The following FILIP1L variants were observed in gnomAD, a reference collection of about 807,000 sequenced individuals.
FILIP1L encodes filamin A interacting protein 1 like, also known as filamin A-interacting protein 1-like.
FILIP1L carries 55 observed loss-of-function variants against 96.6 expected under a neutral mutation model. The observed-to-expected ratio is 0.57, with a 90% confidence interval of 0.46 to 0.71. The LOEUF (loss-of-function observed/expected upper bound fraction) is 0.71, where lower values mean the gene tolerates loss of function less well. FILIP1L is among the 30% of genes least tolerant of loss of function. The pLI is 0.00. For synonymous variants in FILIP1L, 467 were observed against 473.9 expected (o/e 0.99, Z 0.19); for missense variants, 1,304 against 1,321.2 (o/e 0.99, Z 0.20).
chr3:99,845,854 C>T (rs1943341125), intron 5 of FILIP1L, among the ~76,000 whole-genome samples: 1 of 152,138 alleles, frequency 6.6e-6, no homozygotes. Context: ...AAGGAATCCT[C>T]CCAGTAGAGG....
chr3:99,886,375 A>T (rs933743889), intron 4 of FILIP1L, among the ~76,000 whole-genome samples: 2 of 152,142 alleles, frequency 1.3e-5, no homozygotes, highest in African/African-American at 4.8e-5. Flanking sequence ...CTCTTGTACC[A>T]TACATAAAAT....
chr3:100,024,051 A>G (rs1428801549), intron 1 of FILIP1L, among the ~76,000 whole-genome samples: 2 of 152,174 alleles, frequency 1.3e-5, no homozygotes, highest in Admixed American at 6.6e-5. Context: ...CAGACTATCA[A>G]GAGTAGTGTC....
At chr3:99,852,458 A>AT (rs5851190) in intron 4 of FILIP1L, among the ~76,000 whole-genome samples, 14,560 of 151,884 alleles carry the variant, frequency 0.096, 829 homozygotes, top group African/African-American at 0.16. Flanking sequence ...ATTTTATTTT[A>AT]TTTTTTGAAA....
At chr3:99,961,636 A>T (rs1708494181) in intron 1 of FILIP1L, among the ~76,000 whole-genome samples, 1 of 152,112 alleles carries the variant, frequency 6.6e-6, no homozygotes, top group Non-Finnish European at 1.5e-5. Flanking sequence ...CTGGGAACCG[A>T]TACCTTTGGC....
intron 4 of FILIP1L, among the ~76,000 whole-genome samples, chr3:99,876,877 T>A (rs1156589068): frequency 6.6e-6 from 1 of 152,220 alleles, no homozygotes; most frequent in African/African-American, 2.4e-5. Flanking sequence ...GAAAAAATTT[T>A]TAAAGAAATT....
chr3:99,952,018 A>C (rs1197293467), intron 1 of FILIP1L, among the ~76,000 whole-genome samples: 1 of 152,214 alleles, frequency 6.6e-6, no homozygotes, highest in Non-Finnish European at 1.5e-5. Context: ...ATTTATTTTA[A>C]AAATTACTGT....
chr3:99,983,456 ATATGTGTG>A (rs1559713638), intron 1 of FILIP1L, among the ~76,000 whole-genome samples: 2 of 9,858 alleles, frequency 2.0e-4, no homozygotes, highest in East Asian at 3.5e-3. Flanking sequence ...GTATATATAT[ATATGTGTG>A]TATATATATA....
chr3:100,050,470 C>A (rs1204477138), intron 1 of FILIP1L, among the ~76,000 whole-genome samples: 2 of 152,106 alleles, frequency 1.3e-5, no homozygotes, highest in Admixed American at 6.5e-5. Context: ...CAAATTAGAT[C>A]ATAGTCATTT....
intron 4 of FILIP1L, among the ~76,000 whole-genome samples, chr3:99,852,881 A>T (rs1053306447): frequency 6.6e-6 from 1 of 152,250 alleles, no homozygotes; most frequent in Admixed American, 6.5e-5. Context: ...AAATAATTGT[A>T]TAAGAATTCT....
chr3:99,833,053 A>G, intron 5 of FILIP1L: 1 of 622,800 alleles, frequency 1.6e-6, no homozygotes, highest in East Asian at 2.9e-5. Flanking sequence ...AAGACCACAC[A>G]GTGAATGTTC....
chr3:99,854,462 AGCTGTGTAGTCAAATT>A (rs1943855877), intron 4 of FILIP1L, among the ~76,000 whole-genome samples: 1 of 152,106 alleles, frequency 6.6e-6, no homozygotes, highest in African/African-American at 2.4e-5. Flanking sequence ...ATTCCCTAAG[AGCTGTGTAGTCAAATT>A]ATGACTCCTT....
At chr3:100,048,138 G>A (rs1055072076) in intron 1 of FILIP1L, among the ~76,000 whole-genome samples, 3 of 152,206 alleles carry the variant, frequency 2.0e-5, no homozygotes, top group East Asian at 1.9e-4. Flanking sequence ...TTCTGGCCCT[G>A]TTTGCCCCAC....
rs1264917629 is a variant in FILIP1L at position 99,929,941 on chromosome 3, T to C, written c.341A>G (p.Lys114Arg). The change falls in exon 3 of 6, where the codon AAG (lysine) becomes AGG (arginine). Residue 114 changes from lysine to arginine, a missense_variant. Coordinates refer to ENST00000477258, the MANE Select transcript of FILIP1L (RefSeq NM_001387850.1). ...EAQYGFVTPK[K>R]VLEALQRDAF... ...ATCTCTCTGGAGAGCCTCTAACACC[T>C]TTTTTGGAGTGACAAACCCATACTG... 1 of 1,613,406 alleles carries C rather than the reference T, an allele frequency of 6.2e-7. No individual in the cohort carries two copies. The highest frequency in any genetic ancestry group is 1.3e-5 in the African/African-American group (1 of 74,896).
intron 1 of FILIP1L, among the ~76,000 whole-genome samples, chr3:99,984,696 G>A (rs1448375459): frequency 6.6e-6 from 1 of 152,110 alleles, no homozygotes; most frequent in Non-Finnish European, 1.5e-5. Context: ...CTGTGGGGGA[G>A]GGAATCCTAG....
intron 4 of FILIP1L, among the ~76,000 whole-genome samples, chr3:99,877,279 G>T (rs546318251): frequency 5.4e-4 from 83 of 152,312 alleles, no homozygotes; most frequent in African/African-American, 1.9e-3. Context: ...TTCCTATTAT[G>T]ATGTACATAT....
chr3:99,848,480 A>G lies in FILIP1L; in HGVS notation c.3196T>C (p.Leu1066=). The G allele has an allele frequency of 6.2e-7, 1 of 1,614,188 alleles. No homozygotes were observed. The highest frequency in any genetic ancestry group is 1.6e-4 in the Middle Eastern group (1 of 6,062). The change falls in exon 5 of 6, where the codon TTA becomes CTA. Residue 1066 remains leucine (L), a synonymous_variant. Transcript: ENST00000477258. ...ACAGCTTGCATGTAAGGACTTCCTAAGTGAATGTGGATTTTATTATCCTCA... is the reference window on the plus strand; with the variant it reads ...ACAGCTTGCATGTAAGGACTTCCTAGGTGAATGTGGATTTTATTATCCTCA... ...TTEDNKIHIH[L]GSPYMQAVAS...
At position 100,087,643 on chromosome 3, in the gene FILIP1L, A is replaced by G. The variant is rs35055289; in HGVS notation, c.-11+26410T>C. Reference sequence around the variant, plus strand: ...CTGAATACAATTCTTTTTCAGATATATAACTTGCGAGTTTTTTTCCCCAGT... The same window carrying G: ...CTGAATACAATTCTTTTTCAGATATGTAACTTGCGAGTTTTTTTCCCCAGT... On this transcript the variant is annotated intron_variant, in intron 1 of 5. Coordinates refer to ENST00000477258, the MANE Select transcript of FILIP1L (RefSeq NM_001387850.1). Among the ~76,000 whole-genome samples, 643 of 152,160 alleles carry G rather than the reference A, an allele frequency of 4.2e-3. 1 individual carries two copies. Among genetic ancestry groups the G allele is most frequent in the Middle Eastern group, 0.01 (3 of 294 alleles).
intron 4 of FILIP1L, among the ~76,000 whole-genome samples, chr3:99,852,777 C>T (rs1316592520): frequency 6.6e-6 from 1 of 152,112 alleles, no homozygotes; most frequent in African/African-American, 2.4e-5. Context: ...AATTTAGGGT[C>T]ATCGTCTTGG....
intron 1 of FILIP1L, among the ~76,000 whole-genome samples, chr3:100,044,275 T>A (rs1273035592): frequency 1.3e-5 from 2 of 152,242 alleles, no homozygotes; most frequent in Admixed American, 6.5e-5. Flanking sequence ...ATTGACATGG[T>A]CTTTGCCCTA....
Sources: allele counts gnomAD v4.1 joint callset (sites outside exome capture counted in the v4.1 genomes callset), GRCh38; gene constraint gnomAD v4.1.1; transcripts MANE v1.5; gene names NCBI Gene and HGNC (gene_info 2026-07-23, HGNC 2026-07-21).